LRRC7: variants seen among roughly 807,000 people sequenced by gnomAD.
LRRC7 encodes the protein leucine-rich repeat-containing protein 7.
In LRRC7, 23 loss-of-function variants were observed where a neutral mutation model predicts 175.7. The observed-to-expected ratio is 0.13, with a 90% CI of 0.09 to 0.19. The LOEUF is 0.19. LRRC7 is among the 10% of genes least tolerant of loss of function. The pLI is 1.00. For missense variants in LRRC7, 1,354 were observed against 1,904.7 expected (o/e 0.71, Z 5.38); for synonymous variants, 685 against 680.9 (o/e 1.01, Z -0.09).
Position 70,129,488 on chromosome 1 carries a change from T to C in LRRC7, c.*7601T>C, listed in dbSNP as rs1666580816. On this transcript the variant is annotated 3_prime_UTR_variant, in exon 27 of 27. Coordinates refer to ENST00000651989, the MANE Select transcript of LRRC7 (RefSeq NM_001370785.2). ...GTCCAGCACTGAGTCTGTATGCCCC[T>C]GACGTTACGGGAGAAGGAGATGGAA... Among the ~76,000 whole-genome samples, 1 of 152,124 alleles carries C rather than the reference T, an allele frequency of 6.6e-6. No individual in the cohort carries two copies. Among genetic ancestry groups the C allele is most frequent in the African/African-American group, 2.4e-5 (1 of 41,418 alleles).
chr1:69,995,497 C>A (rs1484942427), intron 11 of LRRC7, among the ~76,000 whole-genome samples: 2 of 151,700 alleles, frequency 1.3e-5, no homozygotes. Flanking sequence ...TGGTGCGCTG[C>A]ACCCACTAAC....
At chr1:69,983,486 C>T (rs1163192001) in intron 9 of LRRC7, among the ~76,000 whole-genome samples, 1 of 152,234 alleles carries the variant, frequency 6.6e-6, no homozygotes, top group Non-Finnish European at 1.5e-5. Flanking sequence ...CTCTATTCCC[C>T]CAGCTTCTGG....
At chr1:69,749,845 C>T (rs757690521) in intron 2 of LRRC7, among the ~76,000 whole-genome samples, 30 of 151,794 alleles carry the variant, frequency 2.0e-4, no homozygotes, top group Admixed American at 1.3e-4. Context: ...GGGCGGATCA[C>T]GAGGTCAGGA....
At chr1:69,800,540 C>A (rs1013104082) in intron 4 of LRRC7, among the ~76,000 whole-genome samples, 3 of 151,516 alleles carry the variant, frequency 2.0e-5, no homozygotes, top group Non-Finnish European at 4.4e-5. Flanking sequence ...TGTTTCTCAG[C>A]TTGTTATTGG....
In LRRC7 at chr1:69,880,866, A is replaced by C. The variant is rs377343528; in HGVS notation, c.647+42583A>C. On this transcript the variant is annotated intron_variant, in intron 7 of 26. Transcript: ENST00000651989. ...TTTAATTTCAAAAGTATTTTCCAGAAAAAAAAGACACAGCCATGTTCAAAG... is the reference window on the plus strand; with the variant it reads ...TTTAATTTCAAAAGTATTTTCCAGACAAAAAAGACACAGCCATGTTCAAAG... Among the ~76,000 whole-genome samples the C allele has an allele frequency of 3.8e-4, 58 of 152,070 alleles. No homozygotes were observed. The East Asian group carries it at 8.5e-3, about 22-fold the overall frequency.
At chr1:70,024,800 A>G (rs553520543) in intron 17 of LRRC7, among the ~76,000 whole-genome samples, 18 of 152,306 alleles carry the variant, frequency 1.2e-4, no homozygotes, top group Admixed American at 2.6e-4. Context: ...CATATACCCA[A>G]TGAAAAATAA....
chr1:69,639,349 A>G (rs879758857), intron 1 of LRRC7, among the ~76,000 whole-genome samples: 13 of 151,906 alleles, frequency 8.6e-5, no homozygotes, highest in Admixed American at 8.5e-4. Flanking sequence ...TAGTATATAG[A>G]TCATTAGTTA....
chr1:70,107,753 G>T lies in LRRC7; in HGVS notation c.4547G>T (p.Gly1516Val). 1 of 1,612,302 alleles carries T rather than the reference G, an allele frequency of 6.2e-7. No homozygotes were observed. The highest frequency in any genetic ancestry group is 8.5e-7 in the Non-Finnish European group (1 of 1,178,714). ...ACCTCTGTTACTTCTGACTTATAGG[G>T]TATCTTTGTTACTAGGGTTCAGCCT... ...QGNPFKPSDK[G>V]IFVTRVQPDG... The change falls in exon 26 of 27, where the codon GGT becomes GTT. Residue 1516 changes from glycine to valine, a missense_variant and splice_region_variant. Physicochemically the swap from Gly to Val is moderately radical, Grantham distance 109. Coordinates refer to ENST00000651989, the MANE Select transcript of LRRC7 (RefSeq NM_001370785.2).
Position 70,131,171 on chromosome 1 carries a change from A to G in LRRC7, c.*9284A>G, listed in dbSNP as rs1018704038. 2.6e-5 allele frequency among the ~76,000 whole-genome samples: 4 copies of G among 152,250 alleles called. No homozygotes were observed. The highest frequency in any genetic ancestry group is 9.6e-5 in the African/African-American group (4 of 41,470). ...CATGTTACCCCTCCCAAACTTTTAT[A>G]GAGATAGAATCTGGCCTGTTGATCT... On this transcript the variant is annotated 3_prime_UTR_variant, in exon 27 of 27. Coordinates refer to ENST00000651989, the MANE Select transcript of LRRC7 (RefSeq NM_001370785.2).
Position 70,062,496 on chromosome 1 carries a change from G to A in LRRC7, c.4230+9351G>A, listed in dbSNP as rs146768230. ...TACTTGGGAAAATAAGACTAAATAC[G>A]TCCAATTACAGTTACTGTCCCCCTA... On this transcript the variant is annotated intron_variant, in intron 23 of 26. Coordinates refer to ENST00000651989, the MANE Select transcript of LRRC7 (RefSeq NM_001370785.2). Among the ~76,000 whole-genome samples, 388 of 151,894 alleles carry A rather than the reference G, an allele frequency of 2.6e-3. 1 individual carries two copies. Among genetic ancestry groups the A allele is most frequent in the African/African-American group, 8.2e-3 (340 of 41,490 alleles).
In LRRC7 at chr1:69,624,268, T is replaced by C. The variant is rs139386693; in HGVS notation, c.3-54113T>C. ...ATTGTTTCAATTAGCATCTTCTTGA[T>C]AACTAATGATATTGAGCACCTTTTT... On this transcript the variant is annotated intron_variant, in intron 1 of 26. Coordinates refer to ENST00000651989, the MANE Select transcript of LRRC7 (RefSeq NM_001370785.2). Among the ~76,000 whole-genome samples, 5 of 152,308 alleles carry C rather than the reference T, an allele frequency of 3.3e-5. No individual in the cohort carries two copies. In the East Asian group the frequency reaches 7.7e-4, roughly 23 times the overall value.
chr1:69,846,562 G>T (rs544837262), intron 7 of LRRC7, among the ~76,000 whole-genome samples: 49 of 152,030 alleles, frequency 3.2e-4, no homozygotes, highest in Non-Finnish European at 5.0e-4. Flanking sequence ...CTTCTGTTTC[G>T]CTGAGAAGAG....
chr1:69,732,877 A>G (rs1315061509), intron 2 of LRRC7, among the ~76,000 whole-genome samples: 6 of 152,092 alleles, frequency 3.9e-5, no homozygotes, highest in Non-Finnish European at 8.8e-5. Flanking sequence ...TTTATGGTTA[A>G]TAGGGATTCC....
chr1:69,788,508 C>T (rs751654626), intron 3 of LRRC7, among the ~76,000 whole-genome samples: 12 of 152,062 alleles, frequency 7.9e-5, no homozygotes, highest in Admixed American at 2.0e-4. Context: ...ATTTTAGATG[C>T]GTATAGATGT....
rs567702790 is a variant in LRRC7 at position 69,767,013 on chromosome 1, C to T, written c.303+6620C>T. 7.9e-5 allele frequency among the ~76,000 whole-genome samples: 12 copies of T among 152,232 alleles called. No homozygotes were observed. The South Asian group carries it at 1.0e-3, about 13-fold the overall frequency. Reference sequence around the variant, plus strand: ...ACATTTTCATCACCCTTTGAGAAACCGCCCATATCTATTAGCAGTCACTCC... The same window carrying T: ...ACATTTTCATCACCCTTTGAGAAACTGCCCATATCTATTAGCAGTCACTCC... On this transcript the variant is annotated intron_variant, in intron 3 of 26. Transcript: ENST00000651989.
chr1:69,621,767 A>T (rs770179067), intron 1 of LRRC7, among the ~76,000 whole-genome samples: 3 of 152,140 alleles, frequency 2.0e-5, no homozygotes, highest in Non-Finnish European at 2.9e-5. Context: ...CCTTACTGCC[A>T]TGTAGTTTCC....
intron 7 of LRRC7, among the ~76,000 whole-genome samples, chr1:69,888,100 C>A (rs9787127): frequency 1 from 119,038 of 119,090 alleles, 59,496 homozygotes; most frequent in Middle Eastern, 1. Context: ...CCAGAGGTGG[C>A]GCCTACAGAG....
chr1:69,753,266 T>G (rs1670032934), intron 2 of LRRC7, among the ~76,000 whole-genome samples: 2 of 150,142 alleles, frequency 1.3e-5, no homozygotes, highest in South Asian at 4.2e-4. Flanking sequence ...TAAAGTATCC[T>G]TTACATAAAT....
intron 5 of LRRC7, among the ~76,000 whole-genome samples, chr1:69,831,682 A>G (rs951736992): frequency 6.6e-6 from 1 of 152,032 alleles, no homozygotes; most frequent in African/African-American, 2.4e-5. Context: ...TTAAAAGCAA[A>G]TTTATGGCAA....
Sources: allele counts gnomAD v4.1 joint callset (sites outside exome capture counted in the v4.1 genomes callset), GRCh38; gene constraint gnomAD v4.1.1; transcripts MANE v1.5; gene names NCBI Gene and HGNC (gene_info 2026-07-23, HGNC 2026-07-21).